Variants in MOB3B observed in about 807,000 individuals in gnomAD.
MOB3B encodes MOB kinase activator 3B.
A neutral mutation model predicts 18.7 loss-of-function variants in MOB3B; 7 were observed. The observed-to-expected ratio is 0.37, with a 90% CI of 0.21 to 0.70. The LOEUF is 0.70. MOB3B is among the 30% of genes least tolerant of loss of function. MOB3B has a pLI of 0.52. For missense variants in MOB3B, 253 were observed against 281.3 expected, an observed-to-expected ratio of 0.90 and a Z score of 0.72; for synonymous variants, 111 against 99.9, an observed-to-expected ratio of 1.11 and a Z score of -0.66.
intron 1 of MOB3B, among the ~76,000 whole-genome samples, chr9:27,464,857 A>C (rs1819354321): frequency 6.6e-6 from 1 of 152,200 alleles, no homozygotes; most frequent in African/African-American, 2.4e-5. Context: ...CTTATTCACT[A>C]TCACGAGAAT....
chr9:27,445,950 T>A (rs1287597792), intron 2 of MOB3B, among the ~76,000 whole-genome samples: 1 of 152,170 alleles, frequency 6.6e-6, no homozygotes, highest in Non-Finnish European at 1.5e-5. Flanking sequence ...CCTGACGACC[T>A]GGGCTGGATG....
intron 1 of MOB3B, among the ~76,000 whole-genome samples, chr9:27,456,739 G>A (rs142571631): frequency 1.5e-4 from 23 of 152,254 alleles, no homozygotes; most frequent in South Asian, 2.1e-4. Context: ...TTCTGTTTCC[G>A]TGATAATGCA....
In MOB3B at chr9:27,359,083, T is replaced by A. The variant is rs150259561; in HGVS notation, c.572A>T (p.Tyr191Phe). 1.6e-4 allele frequency: 265 copies of A among 1,614,064 alleles called. 1 individual carries two copies. The African/African-American group carries it at 3.2e-3, about 19-fold the overall frequency. The part of the protein sequence containing the change: ...HVNTCYKHFY[Y>F]FVTEMNLIDR... ...TATGAGGTTCATCTCTGTGACAAAG[T>A]AATAGAAGTGTTTGTAGCAGGTGTT... The change falls in exon 3 of 4, where the codon TAC becomes TTC. Residue 191 changes from tyrosine to phenylalanine, a missense_variant. Tyr to Phe is a conservative substitution (Grantham distance 22). Coordinates refer to ENST00000262244, the MANE Select transcript of MOB3B (RefSeq NM_024761.5).
At chr9:27,450,750 T>A (rs1391135520) in intron 2 of MOB3B, among the ~76,000 whole-genome samples, 1 of 152,198 alleles carries the variant, frequency 6.6e-6, no homozygotes, top group Admixed American at 6.5e-5. Context: ...CTCCTAAATA[T>A]GTATTAGCTG....
At position 27,326,242 on chromosome 9, in the gene MOB3B, C is replaced by A. The variant is rs1454529295; in HGVS notation, c.*4345G>T. 2.6e-6 allele frequency: 1 copy of A among 382,038 alleles called. No individual in the cohort carries two copies. The highest frequency in any genetic ancestry group is 4.6e-6 in the Non-Finnish European group (1 of 216,200). 23.7% of individuals were successfully genotyped at this position (382,038 alleles called of 1,614,324 possible). Reference sequence around the variant, plus strand: ...TGTGGAGAGCTTTGGGAAGGTTTCACGTTGAGTTACATCAGTGGTCAACAA... The same window carrying A: ...TGTGGAGAGCTTTGGGAAGGTTTCAAGTTGAGTTACATCAGTGGTCAACAA... On this transcript the variant is annotated 3_prime_UTR_variant, in exon 4 of 4. Coordinates refer to ENST00000262244, the MANE Select transcript of MOB3B (RefSeq NM_024761.5).
intron 1 of MOB3B, 33 bp from the exon 2 acceptor site, chr9:27,455,781 T>G (rs1385612008): frequency 2.1e-6 from 3 of 1,404,310 alleles, no homozygotes; most frequent in African/African-American, 1.4e-5. Context: ...AACACATGAG[T>G]GCCCAGTTCG....
intron 1 of MOB3B, among the ~76,000 whole-genome samples, chr9:27,490,829 T>C (rs1819804744): frequency 6.6e-6 from 1 of 152,034 alleles, no homozygotes; most frequent in African/African-American, 2.4e-5. Flanking sequence ...ACATAATAAA[T>C]ACCATCGATG....
intron 3 of MOB3B, among the ~76,000 whole-genome samples, chr9:27,353,984 G>A (rs1458726108): frequency 4.6e-5 from 7 of 152,230 alleles, no homozygotes; most frequent in Non-Finnish European, 4.4e-5. Context: ...ATCTTCAGCT[G>A]TTGCATTTAC....
intron 2 of MOB3B, among the ~76,000 whole-genome samples, chr9:27,362,560 C>T (rs1185780760): frequency 6.6e-6 from 1 of 152,150 alleles, no homozygotes; most frequent in African/African-American, 2.4e-5. Context: ...CACTCTTCCA[C>T]CATTCCCTCC....
intron 2 of MOB3B, among the ~76,000 whole-genome samples, chr9:27,414,180 C>T (rs1482497778): frequency 2.0e-5 from 3 of 152,212 alleles, no homozygotes; most frequent in Non-Finnish European, 4.4e-5. Context: ...TTTGCCCACT[C>T]TTGCCAATAA....
At chr9:27,415,913 T>C (rs1426207071) in intron 2 of MOB3B, among the ~76,000 whole-genome samples, 1 of 152,190 alleles carries the variant, frequency 6.6e-6, no homozygotes, top group East Asian at 1.9e-4. Context: ...GTTTCGTGCG[T>C]GTATTTATTT....
chr9:27,507,418 C>T (rs990631619), intron 1 of MOB3B, among the ~76,000 whole-genome samples: 1 of 152,188 alleles, frequency 6.6e-6, no homozygotes, highest in Non-Finnish European at 1.5e-5. Context: ...ACATCTCTTA[C>T]GGTACTTTGC....
chr9:27,341,142 G>T (rs1178425995), intron 3 of MOB3B, among the ~76,000 whole-genome samples: 2 of 152,236 alleles, frequency 1.3e-5, no homozygotes, highest in African/African-American at 4.8e-5. Flanking sequence ...GCACTGGCCG[G>T]TGAAGCAGAG....
At chr9:27,473,057 T>C (rs1284287716) in intron 1 of MOB3B, among the ~76,000 whole-genome samples, 1 of 152,206 alleles carries the variant, frequency 6.6e-6, no homozygotes, top group Admixed American at 6.5e-5. Context: ...GATTACACAA[T>C]GAACTGGTCC....
intron 3 of MOB3B, among the ~76,000 whole-genome samples, chr9:27,357,966 G>A (rs1821218641): frequency 6.7e-6 from 1 of 150,146 alleles, no homozygotes; most frequent in African/African-American, 2.4e-5. Flanking sequence ...AGGCTGAGGT[G>A]GGAGGAGTGC....
intron 2 of MOB3B, among the ~76,000 whole-genome samples, chr9:27,380,262 ATTT>A (rs551179750): frequency 0.042 from 5,620 of 135,366 alleles, 356 homozygotes; most frequent in African/African-American, 0.14. Flanking sequence ...AAGAGATAGG[ATTT>A]TTTTTTTTTT....
intron 1 of MOB3B, among the ~76,000 whole-genome samples, chr9:27,499,683 A>T (rs571323222): frequency 6.6e-6 from 1 of 152,172 alleles, no homozygotes; most frequent in Non-Finnish European, 1.5e-5. Flanking sequence ...TTGTGAAGGA[A>T]ATGAGTCATT....
At chr9:27,398,876 A>G (rs371339498) in intron 2 of MOB3B, among the ~76,000 whole-genome samples, 3 of 151,918 alleles carry the variant, frequency 2.0e-5, no homozygotes, top group African/African-American at 7.3e-5. Flanking sequence ...TGTCACCTTC[A>G]CCTAGGCATC....
chr9:27,521,129 T>G (rs1244772803), intron 1 of MOB3B, among the ~76,000 whole-genome samples: 1 of 152,220 alleles, frequency 6.6e-6, no homozygotes, highest in African/African-American at 2.4e-5. Flanking sequence ...ACTCAGAACA[T>G]GCCTGCTTCT....
Sources: gnomAD v4.1 joint callset for allele counts (sites outside exome capture counted in the v4.1 genomes callset) on GRCh38, gnomAD v4.1.1 for gene constraint, MANE v1.5 for transcripts, NCBI Gene and HGNC (gene_info 2026-07-23, HGNC 2026-07-21) for gene names.